The following EIF3A variants were observed in gnomAD, a reference collection of about 807,000 sequenced individuals.
EIF3A encodes EIF3, p180 subunit.
In EIF3A, 21 loss-of-function variants were observed where a neutral mutation model predicts 186.6. The ratio of observed to expected loss-of-function variants is 0.11; its 90% confidence interval spans 0.08 to 0.16. The LOEUF is 0.16. Ranked by LOEUF, EIF3A falls within the 10% of genes least tolerant of loss-of-function variation. EIF3A has a pLI of 1.00. For synonymous variants in EIF3A, 563 were observed against 584.3 expected (o/e 0.96, Z 0.52); for missense variants, 1,306 against 1,796.3 (o/e 0.73, Z 4.93).
intron 5 of EIF3A, among the ~76,000 whole-genome samples, chr10:119,070,647 G>A (rs990057406): frequency 2.6e-5 from 4 of 152,170 alleles, no homozygotes; most frequent in African/African-American, 9.7e-5. Flanking sequence ...TGTTTTATAT[G>A]TCAAGAAACT....
chr10:119,072,923 C>T lies in EIF3A; in HGVS notation c.508G>A (p.Val170Ile). 4 of 1,614,042 alleles carry T rather than the reference C, an allele frequency of 2.5e-6. No homozygotes were observed. The highest frequency in any genetic ancestry group is 3.4e-6 in the Non-Finnish European group (4 of 1,180,004). ...CLDLLRNNSR[V>I]ERLYHDIAQQ... Reference sequence around the variant, plus strand: ...GCAATATCATGGTACAGGCGCTCTACTCTAGAATTGTTTCTAAGAAGGTCC... The same window carrying T: ...GCAATATCATGGTACAGGCGCTCTATTCTAGAATTGTTTCTAAGAAGGTCC... The change falls in exon 4 of 22, where the codon GTA becomes ATA. Residue 170 changes from valine to isoleucine, a missense_variant. Physicochemically the swap from Val to Ile is conservative, Grantham distance 29. Around this residue, in one of 8 missense-constraint regions of EIF3A, gnomAD observed 130 missense variants for 259.3 expected, o/e 0.50. Transcript: ENST00000369144.
At chr10:119,057,592 T>C (rs1843804695) in intron 12 of EIF3A, among the ~76,000 whole-genome samples, 1 of 152,064 alleles carries the variant, frequency 6.6e-6, no homozygotes, top group Non-Finnish European at 1.5e-5. Context: ...CTGGCCAACA[T>C]GGTGAAACCC....
chr10:119,050,127 G>A, intron 16 of EIF3A, 142 bp from the exon 17 acceptor site: 1 of 813,206 alleles, frequency 1.2e-6, no homozygotes, highest in Non-Finnish European at 1.9e-6. Context: ...CTACAGGACA[G>A]AACATAGTCA....
Position 119,033,900 on chromosome 10 carries a change from T to C in EIF3A, c.*2139A>G, listed in dbSNP as rs891860963. On this transcript the variant is annotated 3_prime_UTR_variant, in exon 22 of 22. Transcript: ENST00000369144. ...AAAAAAAAAAAAACACAGGCAGTTC[T>C]TTACATAAAAACGTCCCACACGTTA... 2.4e-5 allele frequency: 4 copies of C among 166,834 alleles called. No homozygotes were observed. Among genetic ancestry groups the C allele is most frequent in the Non-Finnish European group, 5.9e-5 (4 of 68,060 alleles). 10.3% of individuals were successfully genotyped at this position (166,834 alleles called of 1,614,324 possible).
Position 119,059,264 on chromosome 10 carries a change from A to C in EIF3A, c.1577T>G (p.Met526Arg). 1 of 1,614,252 alleles carries C rather than the reference A, an allele frequency of 6.2e-7. No homozygotes were observed. Among genetic ancestry groups the C allele is most frequent in the East Asian group, 2.2e-5 (1 of 44,884 alleles). ...AAGTGCTTTTGCAAGTACTGAGGACATGGCTGTCAGCTGGTTTCTTATCTG... is the reference window on the plus strand; with the variant it reads ...AAGTGCTTTTGCAAGTACTGAGGACCTGGCTGTCAGCTGGTTTCTTATCTG... ...SEQIRNQLTA[M>R]SSVLAKALEV... Residue 526 changes from methionine (M) to arginine (R), a missense_variant, in exon 11 of 22, where the codon ATG (methionine) becomes AGG (arginine). By Grantham distance (91) the Met-to-Arg change is moderately conservative (BLOSUM62 -1). This residue lies in a region of EIF3A where 44 missense variants were observed against 43.4 expected (regional missense o/e 1.01). Coordinates refer to ENST00000369144, the MANE Select transcript of EIF3A (RefSeq NM_003750.4).
chr10:119,067,707 T>C (rs1844003335), intron 6 of EIF3A, among the ~76,000 whole-genome samples: 1 of 152,192 alleles, frequency 6.6e-6, no homozygotes, highest in South Asian at 2.1e-4. Flanking sequence ...TCTAAAATAG[T>C]TTTACATAAG....
chr10:119,075,078 C>T (rs1171185780), intron 1 of EIF3A, among the ~76,000 whole-genome samples: 4 of 149,912 alleles, frequency 2.7e-5, no homozygotes, highest in Non-Finnish European at 5.9e-5. Flanking sequence ...TCTCCTGCCT[C>T]AGCCTCCTGA....
rs1848336341 is a variant in EIF3A, at chr10:119,050,103, T to A, written c.2474-118A>T. On this transcript the variant is annotated intron_variant, in intron 16 of 21. Coordinates refer to ENST00000369144, the MANE Select transcript of EIF3A (RefSeq NM_003750.4). ...ATGTACAAGTAAAAGAATTTGAAAA[T>A]AGTTTGTAATCAGCTACAGGACAGA... The A allele has an allele frequency of 2.1e-5, 21 of 994,864 alleles. No homozygotes were observed. The South Asian group carries it at 3.2e-4, about 15-fold the overall frequency. The allele number at this position is 994,864 out of a possible 1,614,324, so 61.6% of individuals were successfully genotyped here.
chr10:119,065,613 T>C (rs772586607), intron 6 of EIF3A, 43 bp from the exon 7 acceptor site: 5 of 1,426,722 alleles, frequency 3.5e-6, no homozygotes, highest in African/African-American at 1.4e-5. Context: ...TTGTAAATGA[T>C]ACTTGGTAAG....
chr10:119,070,236 T>C (rs1844050085), intron 5 of EIF3A, among the ~76,000 whole-genome samples: 3 of 152,320 alleles, frequency 2.0e-5, no homozygotes, highest in Admixed American at 6.5e-5. Flanking sequence ...TACAAAATTA[T>C]ATGGAACGTC....
intron 14 of EIF3A, among the ~76,000 whole-genome samples, chr10:119,051,934 T>A (rs1443886010): frequency 1.3e-5 from 2 of 152,150 alleles, no homozygotes; most frequent in African/African-American, 4.8e-5. Context: ...CTTCAATGAG[T>A]CATAATCTTT....
chr10:119,062,742 CCT>C (rs1843908993), intron 7 of EIF3A, among the ~76,000 whole-genome samples: 1 of 85,898 alleles, frequency 1.2e-5, no homozygotes, highest in Admixed American at 1.7e-4. Context: ...TAAGAGATCA[CCT>C]TTTTTTTTTT....
chr10:119,064,968 C>T (rs562530159), intron 7 of EIF3A, among the ~76,000 whole-genome samples: 1 of 152,262 alleles, frequency 6.6e-6, no homozygotes, highest in South Asian at 2.1e-4. Flanking sequence ...CCTCAGCCTC[C>T]CAAAGTGCTG....
intron 7 of EIF3A, among the ~76,000 whole-genome samples, chr10:119,062,503 T>C (rs1345189417): frequency 6.6e-6 from 1 of 152,198 alleles, no homozygotes; most frequent in African/African-American, 2.4e-5. Flanking sequence ...CTCTTGGCAG[T>C]CAGCTAATCC....
At chr10:119,062,511 T>A (rs552989801) in intron 7 of EIF3A, among the ~76,000 whole-genome samples, 1 of 152,274 alleles carries the variant, frequency 6.6e-6, no homozygotes, top group Admixed American at 6.5e-5. Flanking sequence ...AGTCAGCTAA[T>A]CCATTCACTT....
In EIF3A at chr10:119,059,314, A is replaced by G; in HGVS notation, c.1527T>C (p.Pro509=). 6.2e-7 allele frequency: 1 copy of G among 1,613,536 alleles called. No individual in the cohort carries two copies. The highest frequency in any genetic ancestry group is 1.1e-5 in the South Asian group (1 of 90,968). The change falls in exon 11 of 22, where the codon CCT becomes CCC. Residue 509 remains proline, a synonymous_variant. Coordinates refer to ENST00000369144, the MANE Select transcript of EIF3A (RefSeq NM_003750.4). Reference sequence around the variant, plus strand: ...GCTCTGAAGGCATGCTTTGCAAATGAGGACCAATCGGAGCATCTTCTCGAG... The same window carrying G: ...GCTCTGAAGGCATGCTTTGCAAATGGGGACCAATCGGAGCATCTTCTCGAG... The part of the protein sequence containing the change: ...YATREDAPIG[P]HLQSMPSEQI...
intron 1 of EIF3A, among the ~76,000 whole-genome samples, chr10:119,079,244 T>C (rs1413820936): frequency 6.6e-6 from 1 of 152,126 alleles, no homozygotes; most frequent in Non-Finnish European, 1.5e-5. Context: ...TTTCAATAGG[T>C]TTTTAAAACA....
chr10:119,065,558 T>G lies in EIF3A; in HGVS notation c.963A>C (p.Arg321Ser). 6.2e-7 allele frequency: 1 copy of G among 1,606,750 alleles called. No homozygotes were observed. The highest frequency in any genetic ancestry group is 8.5e-7 in the Non-Finnish European group (1 of 1,175,726). The change falls in exon 7 of 22, where the codon AGA becomes AGC. Residue 321 changes from arginine to serine, a missense_variant. By Grantham distance (110) the Arg-to-Ser change is moderately radical. This residue lies in a region of EIF3A where 267 missense variants were observed against 367.8 expected (regional missense o/e 0.73). Transcript: ENST00000369144. ...TQDEMQRMST[R>S]VLLATLSIPI... ...GGATGGAAAGAGTGGCTAAAAGGACTCTAGTAGACATTCTATGGAGAACAA... is the reference window on the plus strand; with the variant it reads ...GGATGGAAAGAGTGGCTAAAAGGACGCTAGTAGACATTCTATGGAGAACAA...
chr10:119,061,395 T>C (rs1450909283), intron 7 of EIF3A, 67 bp from the exon 8 acceptor site: 1 of 680,760 alleles, frequency 1.5e-6, no homozygotes, highest in African/African-American at 1.9e-5. Flanking sequence ...CTGAACTTAG[T>C]ATAAATGATA....
Sources: gnomAD v4.1 joint callset for allele counts (sites outside exome capture counted in the v4.1 genomes callset) on GRCh38, gnomAD v4.1.1 for gene constraint, gnomAD v4.1.1 regional missense constraint, MANE v1.5 for transcripts, NCBI Gene and HGNC (gene_info 2026-07-23, HGNC 2026-07-21) for gene names.